Variants in SLX4IP observed in about 807,000 individuals in gnomAD.
SLX4IP encodes protein SLX4IP.
In SLX4IP, 34 loss-of-function variants were observed where a neutral mutation model predicts 32.9. That is an observed-to-expected ratio of 1.03 (90% CI 0.79 to 1.38). The LOEUF (loss-of-function observed/expected upper bound fraction) is 1.38. Among genes scored for constraint, SLX4IP ranks in the 40% most tolerant of loss-of-function variants. The probability of loss-of-function intolerance (pLI) is 0.00; values close to 1 mark genes in which losing one functional copy is unlikely to be tolerated. For synonymous variants in SLX4IP, 172 were observed against 171.7 expected (o/e 1.00, Z -0.01); for missense variants, 444 against 479.0 (o/e 0.93, Z 0.68).
At chr20:10,592,003 TAA>T (rs2066714721) in intron 4 of SLX4IP, among the ~76,000 whole-genome samples, 1 of 152,228 alleles carries the variant, frequency 6.6e-6, no homozygotes, top group Non-Finnish European at 1.5e-5. Context: ...TGTTTTTTTC[TAA>T]ATAAATTTGG....
At chr20:10,531,131 C>T (rs2065985578) in intron 2 of SLX4IP, among the ~76,000 whole-genome samples, 1 of 152,216 alleles carries the variant, frequency 6.6e-6, no homozygotes, top group South Asian at 2.1e-4. Context: ...GCAGCATTGA[C>T]TCCTCTTCTG....
At chr20:10,506,015 A>G (rs1012128147) in intron 2 of SLX4IP, among the ~76,000 whole-genome samples, 1 of 152,208 alleles carries the variant, frequency 6.6e-6, no homozygotes, top group African/African-American at 2.4e-5. Context: ...CCACTTAAGC[A>G]TGTAAACAGT....
intron 2 of SLX4IP, among the ~76,000 whole-genome samples, chr20:10,547,008 G>A (rs532855978): frequency 6.6e-6 from 1 of 152,262 alleles, no homozygotes; most frequent in South Asian, 2.1e-4. Flanking sequence ...AGGGTCCCAG[G>A]GGCATATGTT....
intron 1 of SLX4IP, among the ~76,000 whole-genome samples, chr20:10,453,515 A>C (rs2122335537): frequency 6.6e-6 from 1 of 152,230 alleles, no homozygotes; most frequent in East Asian, 1.9e-4. Context: ...ATTTTGGTGA[A>C]GCACATCTTT....
Position 10,512,776 on chromosome 20 carries a change from CTCTATA to C in SLX4IP, c.28-43453_28-43448del, listed in dbSNP as rs1166466593. Among the ~76,000 whole-genome samples, 386 of 114,682 alleles carry C rather than the reference CTCTATA, an allele frequency of 3.4e-3. 10 individuals carry two copies. Among genetic ancestry groups the C allele is most frequent in the African/African-American group, 0.014 (363 of 25,854 alleles). The allele number at this position is 114,682 out of a possible 152,430, so 75.2% of individuals were successfully genotyped here. A position where few individuals can be genotyped will look rare whatever the true frequency, so the allele number is the denominator to read the frequency against. On this transcript the variant is annotated intron_variant, in intron 2 of 7. Transcript: ENST00000334534. ...TTATGTATATATATACACACACACA[CTCTATA>C]TATATATATATATATATATATATAT...
At chr20:10,554,209 A>G (rs1373887062) in intron 2 of SLX4IP, among the ~76,000 whole-genome samples, 3 of 152,200 alleles carry the variant, frequency 2.0e-5, no homozygotes, top group Non-Finnish European at 4.4e-5. Context: ...ATGGAACCAT[A>G]CAGTATATGT....
At chr20:10,570,733 T>C (rs922391339) in intron 4 of SLX4IP, among the ~76,000 whole-genome samples, 7 of 152,170 alleles carry the variant, frequency 4.6e-5, no homozygotes, top group African/African-American at 1.7e-4. Context: ...TTCGCCATGT[T>C]GGTCAGGCTG....
intron 2 of SLX4IP, among the ~76,000 whole-genome samples, chr20:10,515,079 CTTTTTTTTTTTT>C (rs35576843): frequency 1.2e-5 from 1 of 82,890 alleles, no homozygotes; most frequent in Non-Finnish European, 2.2e-5. Flanking sequence ...TAAGTTGAAG[CTTTTTTTTTTTT>C]TTTTTTTTTT....
intron 2 of SLX4IP, among the ~76,000 whole-genome samples, chr20:10,485,034 CAG>C (rs2065560312): frequency 6.6e-6 from 1 of 151,942 alleles, no homozygotes; most frequent in African/African-American, 2.4e-5. Flanking sequence ...ACCTGGGAAA[CAG>C]AGTTGGATGG....
At chr20:10,506,639 A>T (rs573655202) in intron 2 of SLX4IP, among the ~76,000 whole-genome samples, 40 of 152,314 alleles carry the variant, frequency 2.6e-4, no homozygotes, top group African/African-American at 8.4e-4. Flanking sequence ...GACCCTTAGG[A>T]TGTGTCAGTG....
chr20:10,475,791 T>C (rs1175091508), intron 2 of SLX4IP, among the ~76,000 whole-genome samples: 1 of 152,146 alleles, frequency 6.6e-6, no homozygotes, highest in East Asian at 1.9e-4. Flanking sequence ...ACATGGTAAA[T>C]ACATGGCTGC....
chr20:10,568,712 C>A (rs776746190), intron 4 of SLX4IP, among the ~76,000 whole-genome samples: 7 of 152,112 alleles, frequency 4.6e-5, no homozygotes, highest in Non-Finnish European at 1.0e-4. Context: ...TTCACCTAGC[C>A]CATAATTACT....
chr20:10,541,786 A>G lies in SLX4IP; in HGVS notation c.28-14445A>G, dbSNP rs576650453. Reference sequence around the variant, plus strand: ...TGCAGTCTGTTTTCTTTTTGAATTTAATCATAACATCTCTGGGAGGGCAGG... The same window carrying G: ...TGCAGTCTGTTTTCTTTTTGAATTTGATCATAACATCTCTGGGAGGGCAGG... On this transcript the variant is annotated intron_variant, in intron 2 of 7. Transcript: ENST00000334534. Among the ~76,000 whole-genome samples the G allele has an allele frequency of 1.1e-3, 167 of 152,318 alleles. 1 individual carries two copies. The highest frequency in any genetic ancestry group is 3.4e-3 in the Middle Eastern group (1 of 294).
In SLX4IP at chr20:10,622,011, C is replaced by T. The variant is rs545549622; in HGVS notation, c.506+597C>T. 1.1e-4 allele frequency among the ~76,000 whole-genome samples: 16 copies of T among 152,292 alleles called. 1 individual carries two copies. In the South Asian group the frequency reaches 1.4e-3, roughly 14 times the overall value. On this transcript the variant is annotated intron_variant, in intron 7 of 7. Coordinates refer to ENST00000334534, the MANE Select transcript of SLX4IP (RefSeq NM_001009608.3). ...GTGAAGTTACATTGTCTGTTGTGCA[C>T]GCTGTAAGGAGCAAGGGGCTTATAT...
intron 4 of SLX4IP, among the ~76,000 whole-genome samples, chr20:10,587,950 A>G (rs950641011): frequency 6.6e-6 from 1 of 152,020 alleles, no homozygotes; most frequent in Non-Finnish European, 1.5e-5. Flanking sequence ...ATTTTTTTGG[A>G]TGTGACCCCA....
intron 2 of SLX4IP, among the ~76,000 whole-genome samples, chr20:10,491,701 G>A (rs755972633): frequency 6.6e-6 from 1 of 152,062 alleles, no homozygotes; most frequent in Non-Finnish European, 1.5e-5. Flanking sequence ...TATTTATCAT[G>A]TTTATGGAAA....
intron 1 of SLX4IP, among the ~76,000 whole-genome samples, chr20:10,438,057 T>A (rs962423109): frequency 2.0e-5 from 3 of 152,214 alleles, no homozygotes; most frequent in African/African-American, 4.8e-5. Context: ...TAATTAACTA[T>A]TGTTAAATTT....
intron 6 of SLX4IP, among the ~76,000 whole-genome samples, chr20:10,618,606 A>C (rs779161068): frequency 6.6e-6 from 1 of 152,174 alleles, no homozygotes; most frequent in African/African-American, 2.4e-5. Context: ...ATGGACTCAG[A>C]ATGTCCCATT....
chr20:10,593,587 T>C (rs2066736692), intron 4 of SLX4IP, among the ~76,000 whole-genome samples: 1 of 152,068 alleles, frequency 6.6e-6, no homozygotes, highest in African/African-American at 2.4e-5. Flanking sequence ...ATTTTAAAAC[T>C]TAGATGAGTG....
Sources: allele counts gnomAD v4.1 joint callset (sites outside exome capture counted in the v4.1 genomes callset), GRCh38; gene constraint gnomAD v4.1.1; transcripts MANE v1.5; gene names NCBI Gene and HGNC (gene_info 2026-07-23, HGNC 2026-07-21).